ADCY9: variants seen among roughly 807,000 people sequenced by gnomAD.
The protein encoded by ADCY9 is adenylate cyclase type 9.
A neutral mutation model predicts 101.5 loss-of-function variants in ADCY9; 50 were observed. The observed-to-expected ratio is 0.49, with a 90% CI of 0.39 to 0.62. ADCY9 has a LOEUF of 0.62. ADCY9 is among the 20% of genes least tolerant of loss of function. The probability of loss-of-function intolerance (pLI) is 0.00; values close to 1 mark genes in which losing one functional copy is unlikely to be tolerated. For synonymous variants in ADCY9, 905 were observed against 769.3 expected, an observed-to-expected ratio of 1.18 and a Z score of -2.92; for missense variants, 1,662 against 1,800.4, an observed-to-expected ratio of 0.92 and a Z score of 1.39.
intron 3 of ADCY9, among the ~76,000 whole-genome samples, chr16:4,003,212 C>T (rs1468776060): frequency 6.6e-6 from 1 of 152,214 alleles, no homozygotes; most frequent in Non-Finnish European, 1.5e-5. Flanking sequence ...CGAGAGCATC[C>T]AACCCACAGC....
intron 2 of ADCY9, among the ~76,000 whole-genome samples, chr16:4,069,005 T>A (rs1262424872): frequency 6.6e-6 from 1 of 152,174 alleles, no homozygotes; most frequent in Non-Finnish European, 1.5e-5. Flanking sequence ...TTCTCATACA[T>A]ACATTTTTGT....
At position 3,965,703 on chromosome 16, in the gene ADCY9, G is replaced by C; in HGVS notation, c.*72C>G. The C allele has an allele frequency of 6.9e-7, 1 of 1,448,312 alleles. No homozygotes were observed. The highest frequency in any genetic ancestry group is 9.4e-7 in the Non-Finnish European group (1 of 1,062,922). The allele number at this position is 1,448,312 out of a possible 1,614,324, so 89.7% of individuals were successfully genotyped here. ...GGAGGGCAACTGTGGCGCTTGGAAA[G>C]CACAACAGCCAAATACAAATATTAC... On this transcript the variant is annotated 3_prime_UTR_variant, in exon 11 of 11. Transcript: ENST00000294016.
chr16:4,041,506 CAAAAAAAAA>C (rs55669348), intron 2 of ADCY9, among the ~76,000 whole-genome samples: 1 of 94,594 alleles, frequency 1.1e-5, no homozygotes, highest in South Asian at 3.5e-4. Flanking sequence ...GTATTAAAAC[CAAAAAAAAA>C]AAAAAAAAAA....
intron 2 of ADCY9, among the ~76,000 whole-genome samples, chr16:4,113,114 T>C (rs1597235485): frequency 6.6e-6 from 1 of 151,332 alleles, no homozygotes; most frequent in South Asian, 2.1e-4. Context: ...GCAAATACTA[T>C]GATAATAAAA....
chr16:4,034,071 T>C (rs1025534897), intron 2 of ADCY9, among the ~76,000 whole-genome samples: 1 of 152,288 alleles, frequency 6.6e-6, no homozygotes, highest in Non-Finnish European at 1.5e-5. Flanking sequence ...ACAGGCCTGA[T>C]GGCTGCCGTG....
At position 4,114,013 on chromosome 16, in the gene ADCY9, C is replaced by A. The variant is rs1567153730; in HGVS notation, c.1430G>T (p.Cys477Phe). The change falls in exon 2 of 11, where the codon TGC becomes TTC. Residue 477 changes from cysteine to phenylalanine, a missense_variant. Physicochemically the swap from Cys to Phe is radical, Grantham distance 205. Around this residue, in one of 5 missense-constraint regions of ADCY9, gnomAD observed 228 missense variants for 301.1 expected, o/e 0.76. Transcript: ENST00000294016. This position sits in a 1 kb window ranked among gnomAD's most constrained non-coding sequence, Gnocchi z 4.3. ...LGMIKAIEQF[C>F]QEKKEMVNMR... ...GTTCACCATCTCCTTCTTCTCCTGG[C>A]AGAACTGCTCGATGGCCTTGATCAT... The A allele has an allele frequency of 5.0e-6, 8 of 1,613,714 alleles. No individual in the cohort carries two copies. The highest frequency in any genetic ancestry group is 1.3e-5 in the African/African-American group (1 of 74,916).
chr16:4,043,547 G>A (rs1045145400), intron 2 of ADCY9, among the ~76,000 whole-genome samples: 11 of 151,388 alleles, frequency 7.3e-5, no homozygotes, highest in African/African-American at 2.7e-4. Flanking sequence ...GGTGGCACGT[G>A]CCTGTAATCT....
intron 3 of ADCY9, among the ~76,000 whole-genome samples, chr16:4,001,008 C>T (rs183973203): frequency 7.4e-4 from 100 of 135,702 alleles, no homozygotes; most frequent in Middle Eastern, 3.7e-3. Flanking sequence ...CACACACACA[C>T]ATATATAATT....
At chr16:3,953,938 G>A (rs1163766570) in intron 5 of ADCY9, among the ~76,000 whole-genome samples, 1 of 152,210 alleles carries the variant, frequency 6.6e-6, no homozygotes, top group African/African-American at 2.4e-5. Flanking sequence ...TGTGAGGATT[G>A]CTGCATGGAT....
rs766045169 is a variant in ADCY9, at chr16:3,965,793, G to A, written c.4044C>T (p.Asn1348=). The change falls in exon 11 of 11, where the codon AAC becomes AAT. Residue 1348 remains asparagine (N), a synonymous_variant. Coordinates refer to ENST00000294016, the MANE Select transcript of ADCY9 (RefSeq NM_001116.4). ...CGCCGCCTCACACACTCTTTGAAACGTTGAGCTTGGTGAGTTCGTTGGCTT... is the reference window on the plus strand; with the variant it reads ...CGCCGCCTCACACACTCTTTGAAACATTGAGCTTGGTGAGTTCGTTGGCTT... ...IEEANELTKL[N]VSKSV is the part of the protein sequence containing the mutation. The A allele has an allele frequency of 2.5e-6, 4 of 1,613,112 alleles. No individual in the cohort carries two copies. Among genetic ancestry groups the A allele is most frequent in the Non-Finnish European group, 3.4e-6 (4 of 1,179,626 alleles).
chr16:4,009,425 C>A (rs2056388816), intron 2 of ADCY9, among the ~76,000 whole-genome samples: 2 of 152,060 alleles, frequency 1.3e-5, no homozygotes, highest in Non-Finnish European at 2.9e-5. Context: ...CCAACTATTT[C>A]TTTCTTTCTT....
At chr16:4,016,909 C>T (rs1241175894) in intron 2 of ADCY9, among the ~76,000 whole-genome samples, 1 of 152,126 alleles carries the variant, frequency 6.6e-6, no homozygotes, top group Non-Finnish European at 1.5e-5. Flanking sequence ...GATGGTTGCA[C>T]AACACCATGA....
intron 2 of ADCY9, among the ~76,000 whole-genome samples, chr16:4,040,011 G>A (rs1301188800): frequency 1.3e-5 from 2 of 152,112 alleles, no homozygotes; most frequent in Non-Finnish European, 2.9e-5. Flanking sequence ...TGCACTCCAG[G>A]CTGGGTGGCA....
intron 2 of ADCY9, among the ~76,000 whole-genome samples, chr16:4,062,549 C>T (rs2141161673): frequency 6.6e-6 from 1 of 152,182 alleles, no homozygotes; most frequent in East Asian, 1.9e-4. Context: ...GTTGCAGTGG[C>T]TATAATAATA....
At chr16:4,012,121 C>T (rs2056408256) in intron 2 of ADCY9, among the ~76,000 whole-genome samples, 1 of 152,196 alleles carries the variant, frequency 6.6e-6, no homozygotes, top group Non-Finnish European at 1.5e-5. Flanking sequence ...GAATGACCAA[C>T]CCATAGTGAT....
At chr16:4,080,006 A>G (rs868301899) in intron 2 of ADCY9, among the ~76,000 whole-genome samples, 1 of 152,174 alleles carries the variant, frequency 6.6e-6, no homozygotes, top group Non-Finnish European at 1.5e-5. Flanking sequence ...CATTCCTTAA[A>G]GCTGCAGTAT....
chr16:4,086,896 G>A (rs551670088), intron 2 of ADCY9, among the ~76,000 whole-genome samples: 1 of 151,932 alleles, frequency 6.6e-6, no homozygotes. Context: ...CTGACCTCAG[G>A]TGATCCGCCC....
chr16:4,064,679 A>G (rs1487326656), intron 2 of ADCY9, among the ~76,000 whole-genome samples: 1 of 151,778 alleles, frequency 6.6e-6, no homozygotes, highest in Non-Finnish European at 1.5e-5. Context: ...GGGTCTCACC[A>G]TGTTGCCCAG....
intron 2 of ADCY9, among the ~76,000 whole-genome samples, chr16:4,062,556 A>G (rs2056779083): frequency 6.6e-6 from 1 of 152,138 alleles, no homozygotes; most frequent in African/African-American, 2.4e-5. Context: ...TGGCTATAAT[A>G]ATATCAAAGT....
Sources: allele counts gnomAD v4.1 joint callset (sites outside exome capture counted in the v4.1 genomes callset), GRCh38; gene constraint gnomAD v4.1.1; regional missense constraint gnomAD v4.1.1; non-coding constraint Gnocchi (gnomAD v3.1); transcripts MANE v1.5; gene names NCBI Gene and HGNC (gene_info 2026-07-23, HGNC 2026-07-21).